Variants in ADAMTS16 observed in about 807,000 individuals in gnomAD.
ADAMTS16 encodes the protein ADAM metallopeptidase with thrombospondin type 1 motif 16, also known as A disintegrin and metalloproteinase with thrombospondin motifs 16.
In ADAMTS16, 94 loss-of-function variants were observed where a neutral mutation model predicts 145.8. The ratio of observed to expected loss-of-function variants is 0.64; its 90% CI spans 0.55 to 0.77. ADAMTS16 has a LOEUF of 0.77. Ranked by LOEUF, ADAMTS16 falls within the 30% of genes least tolerant of loss-of-function variation. The pLI, the probability that ADAMTS16 is intolerant of heterozygous loss-of-function variation, is 0.00. For missense variants in ADAMTS16, 1,585 were observed against 1,591.5 expected, an observed-to-expected ratio of 1.00 and a Z score of 0.07; for synonymous variants, 659 against 604.3, an observed-to-expected ratio of 1.09 and a Z score of -1.33.
chr5:5,192,941 T>G lies in ADAMTS16; in HGVS notation c.1313+1151T>G, dbSNP rs190518475. Among the ~76,000 whole-genome samples the G allele has an allele frequency of 4.1e-4, 62 of 152,354 alleles. 1 individual carries two copies. The highest frequency in any genetic ancestry group is 1.4e-3 in the African/African-American group (59 of 41,590). ...ACCAACTGGAATGCAAATCTTTTCCTGCTATGCTGCAACAATACTTGAAAT... is the reference window on the plus strand; with the variant it reads ...ACCAACTGGAATGCAAATCTTTTCCGGCTATGCTGCAACAATACTTGAAAT... On this transcript the variant is annotated intron_variant, in intron 8 of 22. Transcript: ENST00000274181.
chr5:5,169,447 T>G (rs1386829757), intron 3 of ADAMTS16, among the ~76,000 whole-genome samples: 2 of 152,290 alleles, frequency 1.3e-5, no homozygotes, highest in East Asian at 1.9e-4. Context: ...CCATGTTAGT[T>G]GTACTATCTG....
chr5:5,151,027 T>A (rs1301456281), intron 3 of ADAMTS16, among the ~76,000 whole-genome samples: 5 of 152,174 alleles, frequency 3.3e-5, no homozygotes, highest in African/African-American at 1.2e-4. Flanking sequence ...TCTGTCTTCT[T>A]CGTTTATCTT....
intron 9 of ADAMTS16, among the ~76,000 whole-genome samples, chr5:5,205,476 C>T (rs555784326): frequency 4.6e-5 from 7 of 152,246 alleles, no homozygotes; most frequent in South Asian, 2.1e-4. Flanking sequence ...TTATTGTGGT[C>T]GATTGATTAT....
chr5:5,264,742 A>C (rs189877163), intron 18 of ADAMTS16, among the ~76,000 whole-genome samples: 1 of 151,976 alleles, frequency 6.6e-6, no homozygotes, highest in Non-Finnish European at 1.5e-5. Context: ...CCTCAGCCAC[A>C]GTTCCTGAAC....
intron 18 of ADAMTS16, among the ~76,000 whole-genome samples, chr5:5,294,366 G>C (rs1339176957): frequency 1.3e-5 from 2 of 152,224 alleles, no homozygotes; most frequent in Non-Finnish European, 2.9e-5. Flanking sequence ...TGGCTTATGT[G>C]ATTGTGGGGA....
chr5:5,199,093 T>C (rs1376804335), intron 8 of ADAMTS16, among the ~76,000 whole-genome samples: 2 of 152,132 alleles, frequency 1.3e-5, no homozygotes, highest in Non-Finnish European at 2.9e-5. Flanking sequence ...CAAGGAAGTA[T>C]GTTGTGTTCT....
At chr5:5,250,199 TC>T (rs1737578612) in intron 17 of ADAMTS16, among the ~76,000 whole-genome samples, 1 of 152,132 alleles carries the variant, frequency 6.6e-6, no homozygotes, top group Non-Finnish European at 1.5e-5. Flanking sequence ...GGTGGAGCCC[TC>T]ACCAGGAACC....
chr5:5,304,452 C>CCACCAACAA (rs1052481922), intron 20 of ADAMTS16, among the ~76,000 whole-genome samples: 20 of 152,126 alleles, frequency 1.3e-4, no homozygotes, highest in African/African-American at 4.6e-4. Context: ...GGCAACAGCA[C>CCACCAACAA]CACCAGCCAA....
At chr5:5,226,427 C>T (rs916962223) in intron 11 of ADAMTS16, among the ~76,000 whole-genome samples, 3 of 152,120 alleles carry the variant, frequency 2.0e-5, no homozygotes, top group African/African-American at 7.2e-5. Context: ...GGGAAAGACC[C>T]GCCCCCATGA....
chr5:5,208,206 G>A (rs537964040), intron 9 of ADAMTS16, among the ~76,000 whole-genome samples: 6 of 152,296 alleles, frequency 3.9e-5, no homozygotes, highest in South Asian at 2.1e-4. Flanking sequence ...CGTGGGACTG[G>A]GGGTCCTAGA....
At chr5:5,225,978 T>C (rs904535517) in intron 11 of ADAMTS16, among the ~76,000 whole-genome samples, 22 of 143,628 alleles carry the variant, frequency 1.5e-4, no homozygotes, top group Admixed American at 2.9e-4. Context: ...AGGGTAAAGA[T>C]TTGGGGGCCC....
At chr5:5,276,480 T>C (rs1327385958) in intron 18 of ADAMTS16, among the ~76,000 whole-genome samples, 1 of 152,222 alleles carries the variant, frequency 6.6e-6, no homozygotes, top group African/African-American at 2.4e-5. Context: ...CTTAAAACTC[T>C]GAGGAATAAG....
rs115273433 is a variant in ADAMTS16, at chr5:5,234,144, C to T, written c.1851-870C>T. On this transcript the variant is annotated intron_variant, in intron 12 of 22. Coordinates refer to ENST00000274181, the MANE Select transcript of ADAMTS16 (RefSeq NM_139056.4). ...AAGCATGAGCTCACCTCACCCCCTA[C>T]GCCACGCTGTACCCCTTGCGCTGCC... 6.2e-3 allele frequency among the ~76,000 whole-genome samples: 945 copies of T among 152,334 alleles called. 4 individuals are homozygous for T. Among genetic ancestry groups the T allele is most frequent in the African/African-American group, 0.02 (834 of 41,570 alleles).
chr5:5,160,434 A>G (rs1241767825), intron 3 of ADAMTS16, among the ~76,000 whole-genome samples: 1 of 152,194 alleles, frequency 6.6e-6, no homozygotes, highest in African/African-American at 2.4e-5. Context: ...GACTCCCAGT[A>G]CTTTGAAGTT....
rs775034550 is a variant in ADAMTS16 at position 5,200,198 on chromosome 5, T to C, written c.1380T>C (p.Pro460=). 9.3e-6 allele frequency: 15 copies of C among 1,614,074 alleles called. No homozygotes were observed. The East Asian group carries it at 3.3e-4, about 36-fold the overall frequency. Residue 460 remains proline, a synonymous_variant, in exon 9 of 23, where the codon CCT becomes CCC. Coordinates refer to ENST00000274181, the MANE Select transcript of ADAMTS16 (RefSeq NM_139056.4). ...CKKSEGNIMS[P]TLAGRNGVFS... is the part of the protein sequence containing the mutation. ...AGTCCGAGGGCAACATCATGTCCCC[T>C]ACATTGGCAGGACGCAATGGAGTCT...
chr5:5,146,182 C>T lies in ADAMTS16; in HGVS notation c.228C>T (p.Ser76=). 2 of 1,614,156 alleles carry T rather than the reference C, an allele frequency of 1.2e-6. No homozygotes were observed. The highest frequency in any genetic ancestry group is 1.7e-6 in the Non-Finnish European group (2 of 1,180,030). The part of the protein sequence containing the change: ...YEVDHRGDYV[S]HEIMHHQRRR... Reference sequence around the variant, plus strand: ...TTGACCACAGGGGCGATTACGTGTCCCATGAAATCATGCACCATCAGCGGC... The same window carrying T: ...TTGACCACAGGGGCGATTACGTGTCTCATGAAATCATGCACCATCAGCGGC... Residue 76 remains serine, a synonymous_variant, in exon 3 of 23, where the codon TCC becomes TCT. Coordinates refer to ENST00000274181, the MANE Select transcript of ADAMTS16 (RefSeq NM_139056.4).
intron 3 of ADAMTS16, among the ~76,000 whole-genome samples, chr5:5,168,678 AAT>A (rs1191340751): frequency 1.5e-3 from 28 of 18,252 alleles, no homozygotes; most frequent in Non-Finnish European, 2.5e-3. Context: ...TAATAATTAT[AAT>A]TATATAATTA....
rs891170788 is a variant in ADAMTS16 at position 5,320,291 on chromosome 5, T to C, written c.*1153T>C. ...TGCTGAAGTTTTATAATAAAGTTTA[T>C]ATGGTACAGTGTGCTTCTGAACTAC... On this transcript the variant is annotated 3_prime_UTR_variant, in exon 23 of 23. Coordinates refer to ENST00000274181, the MANE Select transcript of ADAMTS16 (RefSeq NM_139056.4). This position sits in a 1 kb window ranked among gnomAD's most constrained non-coding sequence, Gnocchi z 5.1. 4.2e-6 allele frequency: 1 copy of C among 240,464 alleles called. No individual in the cohort carries two copies. Among genetic ancestry groups the C allele is most frequent in the African/African-American group, 2.4e-5 (1 of 42,094 alleles). The allele number at this position is 240,464 out of a possible 1,614,324, so 14.9% of individuals were successfully genotyped here.
Position 5,262,749 on chromosome 5 carries a change from C to A in ADAMTS16, c.2755C>A (p.Leu919Met). The change falls in exon 18 of 23, where the codon CTG becomes ATG. Residue 919 changes from leucine to methionine, a missense_variant. Transcript: ENST00000274181. Reference protein sequence around the residue: ...CNPKTRPVTGLVPCKVSACPP... With the variant: ...CNPKTRPVTGMVPCKVSACPP... Reference sequence around the variant, plus strand: ...TCCCAAGACACGACCTGTCACGGGGCTGGTGCCTTGCAAAGTATCTGCCTG... The same window carrying A: ...TCCCAAGACACGACCTGTCACGGGGATGGTGCCTTGCAAAGTATCTGCCTG... 1 of 1,614,220 alleles carries A rather than the reference C, an allele frequency of 6.2e-7. No individual in the cohort carries two copies. Among genetic ancestry groups the A allele is most frequent in the Non-Finnish European group, 8.5e-7 (1 of 1,180,040 alleles).
Sources: gnomAD v4.1 joint callset for allele counts (sites outside exome capture counted in the v4.1 genomes callset) on GRCh38, gnomAD v4.1.1 for gene constraint, Gnocchi (gnomAD v3.1) non-coding constraint, MANE v1.5 for transcripts, NCBI Gene and HGNC (gene_info 2026-07-23, HGNC 2026-07-21) for gene names.